MAS1: variants seen among roughly 807,000 people sequenced by gnomAD.
MAS1 encodes MAS1 proto-oncogene, G protein-coupled receptor.
For missense variants in MAS1, 387 were observed against 409.7 expected (o/e 0.94, Z 0.48); for synonymous variants, 163 against 164.2 (o/e 0.99, Z 0.05).
Position 159,910,943 on chromosome 6 carries a change from C to A in MAS1, c.*3010C>A, listed in dbSNP as rs554773130. 1 of 152,322 alleles carries A rather than the reference C, an allele frequency of 6.6e-6. No homozygotes were observed. Among genetic ancestry groups the A allele is most frequent in the Non-Finnish European group, 1.5e-5 (1 of 68,060 alleles). 9.4% of individuals were successfully genotyped at this position (152,322 alleles called of 1,614,324 possible). On this transcript the variant is annotated 3_prime_UTR_variant, in exon 3 of 3. Transcript: ENST00000674077. Reference sequence around the variant, plus strand: ...CCTATGCCTTTTGTGGCATTTAATACCCACAGTCTTCCTGAAATTATCTCT... The same window carrying A: ...CCTATGCCTTTTGTGGCATTTAATAACCACAGTCTTCCTGAAATTATCTCT...
intron 1 of MAS1, among the ~76,000 whole-genome samples, chr6:159,893,885 T>C (rs1311502648): frequency 1.3e-5 from 2 of 152,122 alleles, no homozygotes; most frequent in African/African-American, 4.8e-5. Context: ...TGGCTGATTC[T>C]AGGCACTAGG....
At chr6:159,904,944 G>A (rs1049745790) in intron 2 of MAS1, among the ~76,000 whole-genome samples, 12 of 152,212 alleles carry the variant, frequency 7.9e-5, no homozygotes, top group East Asian at 1.9e-4. Context: ...GGCCTCGGTC[G>A]CCTATTTCCT....
upstream of MAS1, among the ~76,000 whole-genome samples, chr6:159,890,421 C>A (rs1782683862): frequency 6.6e-6 from 1 of 152,154 alleles, no homozygotes; most frequent in African/African-American, 2.4e-5. Flanking sequence ...ATGGTGCAGA[C>A]CCCTGCCTTC....
chr6:159,904,515 C>T (rs987835689), intron 2 of MAS1, among the ~76,000 whole-genome samples: 1 of 152,186 alleles, frequency 6.6e-6, no homozygotes, highest in African/African-American at 2.4e-5. Flanking sequence ...GAAGACCTCC[C>T]ACCAGATAGT....
rs888900681 is a variant in MAS1, at chr6:159,910,372, T to C, written c.*2439T>C. The C allele has an allele frequency of 6.6e-6, 1 of 152,222 alleles. No individual in the cohort carries two copies. The highest frequency in any genetic ancestry group is 2.4e-5 in the African/African-American group (1 of 41,448). 9.4% of individuals were successfully genotyped at this position (152,222 alleles called of 1,614,324 possible). A position where few individuals can be genotyped will look rare whatever the true frequency, so the allele number is the denominator to read the frequency against. ...TGCACACAAGTTTGTTTGACAAGTG[T>C]TAGGAACAAAATTGTGTGGCAGAGG... On this transcript the variant is annotated 3_prime_UTR_variant, in exon 3 of 3. Coordinates refer to ENST00000674077, the MANE Select transcript of MAS1 (RefSeq NM_002377.4).
chr6:159,914,822 A>T lies in MAS1; in HGVS notation c.*6889A>T, dbSNP rs963375784. The T allele has an allele frequency of 6.6e-6, 1 of 152,286 alleles. No individual in the cohort carries two copies. Among genetic ancestry groups the T allele is most frequent in the Non-Finnish European group, 1.5e-5 (1 of 68,088 alleles). The allele number at this position is 152,286 out of a possible 1,614,324, so 9.4% of individuals were successfully genotyped here. Reference sequence around the variant, plus strand: ...GAGTGGGTGTCCCATGAAGATGACCAGATCAGTGGGGAGATAAAATGCTCA... The same window carrying T: ...GAGTGGGTGTCCCATGAAGATGACCTGATCAGTGGGGAGATAAAATGCTCA... On this transcript the variant is annotated 3_prime_UTR_variant, in exon 3 of 3. Transcript: ENST00000674077.
chr6:159,906,895 T>C, intron 2 of MAS1, 25 bp from the exon 3 acceptor site: 1 of 1,486,164 alleles, frequency 6.7e-7, no homozygotes. Flanking sequence ...TTTTTGTGTT[T>C]GTTTTGTTCT....
chr6:159,906,691 G>T, intron 2 of MAS1: 1 of 391,144 alleles, frequency 2.6e-6, no homozygotes, highest in East Asian at 4.6e-5. Context: ...TATCACTGGG[G>T]ATCCAGAAGG....
rs118069308 is a variant in MAS1 at position 159,892,069 on chromosome 6, C to G, written c.-244+936C>G. Among the ~76,000 whole-genome samples, 1,050 of 152,308 alleles carry G rather than the reference C, an allele frequency of 6.9e-3. 9 individuals carry two copies. Among genetic ancestry groups the G allele is most frequent in the Non-Finnish European group, 0.01 (703 of 68,024 alleles). On this transcript the variant is annotated intron_variant, in intron 1 of 2. Transcript: ENST00000674077. ...CTTAGGGGACAAAATCACCTTCCCC[C>G]CTTTTAGACCAGGGCTCTAAATTGA... is the stretch of plus-strand genomic sequence containing the variant.
At chr6:159,906,232 C>T (rs774294220) in intron 2 of MAS1, among the ~76,000 whole-genome samples, 12 of 152,174 alleles carry the variant, frequency 7.9e-5, no homozygotes, top group Non-Finnish European at 1.2e-4. Flanking sequence ...GACGTACATA[C>T]GTCTTGTTAG....
rs1562312020 is a variant in MAS1 at position 159,906,825 on chromosome 6, G to A, written c.-36-95G>A. 7.1e-6 allele frequency: 7 copies of A among 982,774 alleles called. No homozygotes were observed. In the East Asian group the frequency reaches 1.5e-4, roughly 22 times the overall value. The allele number at this position is 982,774 out of a possible 1,614,324, so 60.9% of individuals were successfully genotyped here. On this transcript the variant is annotated intron_variant, in intron 2 of 2. Coordinates refer to ENST00000674077, the MANE Select transcript of MAS1 (RefSeq NM_002377.4). ...CTGTTAAACTTTTTTTTAATAACAT[G>A]AAGATTATGATTTATAGCTGAATTT...
rs1193712050 is a variant in MAS1 at position 159,910,718 on chromosome 6, C to T, written c.*2785C>T. ...GCCATTCCTTGCCCCACAGCCCTTT[C>T]CAGTTTCTATCTCCCCTCCCTCCCT... On this transcript the variant is annotated 3_prime_UTR_variant, in exon 3 of 3. Coordinates refer to ENST00000674077, the MANE Select transcript of MAS1 (RefSeq NM_002377.4). 6.6e-6 allele frequency: 1 copy of T among 152,242 alleles called. No individual in the cohort carries two copies. Among genetic ancestry groups the T allele is most frequent in the Non-Finnish European group, 1.5e-5 (1 of 68,108 alleles). 9.4% of individuals were successfully genotyped at this position (152,242 alleles called of 1,614,324 possible).
At position 159,891,105 on chromosome 6, in the gene MAS1, G is replaced by A. The variant is rs1166400208; in HGVS notation, c.-272G>A. On this transcript the variant is annotated 5_prime_UTR_variant, in exon 1 of 3. Coordinates refer to ENST00000674077, the MANE Select transcript of MAS1 (RefSeq NM_002377.4). ...AAGGGGCAGCCAACCTGTTGGCCACGTCTGACCCTTCCTGAGCAAATGACA... is the reference window on the plus strand; with the variant it reads ...AAGGGGCAGCCAACCTGTTGGCCACATCTGACCCTTCCTGAGCAAATGACA... Among the ~76,000 whole-genome samples, 6 of 152,212 alleles carry A rather than the reference G, an allele frequency of 3.9e-5. No individual in the cohort carries two copies. The highest frequency in any genetic ancestry group is 1.3e-4 in the Admixed American group (2 of 15,280).
intron 2 of MAS1, among the ~76,000 whole-genome samples, chr6:159,904,864 G>T (rs577305053): frequency 5.9e-5 from 9 of 152,302 alleles, no homozygotes; most frequent in Non-Finnish European, 1.0e-4. Context: ...ACTCCTGGCT[G>T]CCTCCTGCTT....
intron 2 of MAS1, among the ~76,000 whole-genome samples, chr6:159,901,476 G>C (rs894331773): frequency 6.6e-6 from 1 of 152,194 alleles, no homozygotes; most frequent in Non-Finnish European, 1.5e-5. Flanking sequence ...GTGCATGCCT[G>C]TTGTCCTAGC....
chr6:159,899,560 T>G (rs553348095), intron 2 of MAS1, among the ~76,000 whole-genome samples, 168 bp downstream of exon 2: 2 of 151,662 alleles, frequency 1.3e-5, no homozygotes, highest in African/African-American at 4.8e-5. Context: ...ACCCCATCTC[T>G]GTAAGAAATA....
intron 2 of MAS1, among the ~76,000 whole-genome samples, chr6:159,905,870 C>T (rs185442967): frequency 3.9e-5 from 6 of 152,108 alleles, no homozygotes; most frequent in East Asian, 1.9e-4. Flanking sequence ...GGTGAAACCC[C>T]GTCTCTACTA....
intron 2 of MAS1, among the ~76,000 whole-genome samples, chr6:159,901,848 A>AT (rs1432313391): frequency 7.6e-6 from 1 of 131,108 alleles, no homozygotes; most frequent in East Asian, 3.7e-4. Flanking sequence ...GCAAGACCCT[A>AT]TCTCTAAAAA....
intron 2 of MAS1, among the ~76,000 whole-genome samples, chr6:159,900,970 A>G (rs1782814901): frequency 6.6e-6 from 1 of 152,188 alleles, no homozygotes; most frequent in Non-Finnish European, 1.5e-5. Flanking sequence ...TACACAACAG[A>G]AATTTATTTT....
Sources: allele counts gnomAD v4.1 joint callset (sites outside exome capture counted in the v4.1 genomes callset), GRCh38; gene constraint gnomAD v4.1.1; transcripts MANE v1.5; gene names NCBI Gene and HGNC (gene_info 2026-07-23, HGNC 2026-07-21).